Variants in EXOC6 observed in about 807,000 individuals in gnomAD.
The protein encoded by EXOC6 is SEC15-like 1.
A neutral mutation model predicts 112.5 loss-of-function variants in EXOC6; 60 were observed. The observed-to-expected ratio is 0.53, with a 90% CI of 0.43 to 0.66. The LOEUF (loss-of-function observed/expected upper bound fraction) is 0.66, where lower values mean the gene tolerates loss of function less well. Ranked by LOEUF, EXOC6 falls within the 30% of genes least tolerant of loss-of-function variation. The pLI, the probability that EXOC6 is intolerant of heterozygous loss-of-function variation, is 0.00. For missense variants in EXOC6, 855 were observed against 957.1 expected (o/e 0.89, Z 1.41); for synonymous variants, 295 against 308.0 (o/e 0.96, Z 0.44).
intron 20 of EXOC6, among the ~76,000 whole-genome samples, chr10:93,041,181 C>T (rs552569883): frequency 5.3e-5 from 8 of 152,174 alleles, no homozygotes; most frequent in African/African-American, 1.7e-4. Context: ...TTTTTTTCTC[C>T]TAAGTATTTC....
At chr10:92,990,236 G>A (rs756730248) in intron 18 of EXOC6, among the ~76,000 whole-genome samples, 9 of 151,748 alleles carry the variant, frequency 5.9e-5, no homozygotes, top group East Asian at 1.9e-4. Context: ...TTTGTATTTC[G>A]TAACTTTAAT....
intron 20 of EXOC6, 111 bp downstream of exon 20, chr10:93,014,378 T>C: frequency 1.2e-6 from 1 of 806,478 alleles, no homozygotes; most frequent in Admixed American, 2.2e-5. Flanking sequence ...AAACAACCTA[T>C]CTTAAGAAAA....
At position 92,880,234 on chromosome 10, in the gene EXOC6, G is replaced by T. The variant is rs117399409; in HGVS notation, c.102-13115G>T. ...ATGTACTTTGTCATCTCTAGATTAC[G>T]TATAATACCTAATAACAATGTAAAT... On this transcript the variant is annotated intron_variant, in intron 1 of 21. Transcript: ENST00000260762. Among the ~76,000 whole-genome samples the T allele has an allele frequency of 3.3e-5, 5 of 152,256 alleles. No homozygotes were observed. The East Asian group carries it at 9.6e-4, about 29-fold the overall frequency.
upstream of EXOC6, among the ~76,000 whole-genome samples, chr10:92,847,315 A>G (rs1431852888): frequency 6.6e-6 from 1 of 152,208 alleles, no homozygotes; most frequent in Middle Eastern, 3.2e-3. Context: ...GTTCTTGCCC[A>G]ATGTCACACA....
intron 8 of EXOC6, among the ~76,000 whole-genome samples, chr10:92,926,079 A>C (rs2133927211): frequency 6.6e-6 from 1 of 151,846 alleles, no homozygotes; most frequent in East Asian, 1.9e-4. Flanking sequence ...AAATGCCCTA[A>C]GTCTGCAGGT....
At chr10:92,868,788 C>T (rs900043328) in intron 1 of EXOC6, among the ~76,000 whole-genome samples, 3 of 150,582 alleles carry the variant, frequency 2.0e-5, no homozygotes, top group Non-Finnish European at 3.0e-5. Context: ...TTCCTTCCTC[C>T]CTCCCTTCTT....
At chr10:92,992,193 G>T (rs573422407) in intron 18 of EXOC6, among the ~76,000 whole-genome samples, 6 of 148,174 alleles carry the variant, frequency 4.0e-5, no homozygotes, top group Admixed American at 7.0e-5. Flanking sequence ...GGAGGCTGAG[G>T]CATGAGAATT....
intron 1 of EXOC6, among the ~76,000 whole-genome samples, chr10:92,861,279 TC>T (rs1381613038): frequency 6.6e-6 from 1 of 152,212 alleles, no homozygotes; most frequent in Non-Finnish European, 1.5e-5. Flanking sequence ...AACAGTGGCC[TC>T]CCTCTCTTGG....
intron 1 of EXOC6, among the ~76,000 whole-genome samples, chr10:92,881,904 A>C (rs7097259): frequency 0.13 from 19,419 of 152,068 alleles, 1,582 homozygotes; most frequent in African/African-American, 0.22. Flanking sequence ...GAAGAAGAAC[A>C]CGTTGGCCTC....
At chr10:93,035,906 A>G (rs1845493793) in intron 20 of EXOC6, among the ~76,000 whole-genome samples, 1 of 152,010 alleles carries the variant, frequency 6.6e-6, no homozygotes, top group African/African-American at 2.4e-5. Flanking sequence ...GTTCACTGTT[A>G]AACTAAAATC....
At chr10:93,010,803 T>C (rs1844203700) in intron 19 of EXOC6, among the ~76,000 whole-genome samples, 1 of 152,098 alleles carries the variant, frequency 6.6e-6, no homozygotes, top group South Asian at 2.1e-4. Flanking sequence ...TGCAAGATTT[T>C]ATGATCCATC....
At chr10:92,952,414 C>A in intron 15 of EXOC6, 32 bp downstream of exon 15, 1 of 1,302,270 alleles carries the variant, frequency 7.7e-7, no homozygotes, top group African/African-American at 1.5e-5. Context: ...GCATTTTTGT[C>A]ATAACTTTTA....
chr10:92,955,629 A>T lies in EXOC6; in HGVS notation c.1688A>T (p.Tyr563Phe), dbSNP rs764691099. 1.2e-5 allele frequency: 19 copies of T among 1,611,710 alleles called. No homozygotes were observed. In the Admixed American group the frequency reaches 3.2e-4, roughly 27 times the overall value. The change falls in exon 17 of 22, where the codon TAT becomes TTT. Residue 563 changes from tyrosine (Y) to phenylalanine (F), a missense_variant. Around this residue, in one of 2 missense-constraint regions of EXOC6, gnomAD observed 450 missense variants for 563.5 expected, o/e 0.80. Coordinates refer to ENST00000260762, the MANE Select transcript of EXOC6 (RefSeq NM_019053.6). ...ACACACCTGGAGCAAGCTTGTAAAT[A>T]TCTTGAGGACTTTATAACTAACATT... ...NTTHLEQACK[Y>F]LEDFITNITN...
chr10:93,039,864 C>T (rs1845680943), intron 20 of EXOC6, among the ~76,000 whole-genome samples: 1 of 152,190 alleles, frequency 6.6e-6, no homozygotes, highest in Admixed American at 6.5e-5. Context: ...ATGCTTTCTT[C>T]ACCTCCTTTT....
chr10:93,021,859 C>T (rs1378045568), intron 20 of EXOC6, among the ~76,000 whole-genome samples: 3 of 152,114 alleles, frequency 2.0e-5, no homozygotes, highest in Non-Finnish European at 2.9e-5. Context: ...GATATTTTCT[C>T]AGTTGTATAT....
chr10:92,990,911 T>A (rs1460048316), intron 18 of EXOC6, among the ~76,000 whole-genome samples: 1 of 152,100 alleles, frequency 6.6e-6, no homozygotes, highest in Admixed American at 6.5e-5. Flanking sequence ...TACTAGACTC[T>A]GAGAGTCAAT....
At chr10:93,038,340 AT>A (rs1281105501) in intron 20 of EXOC6, among the ~76,000 whole-genome samples, 2 of 152,218 alleles carry the variant, frequency 1.3e-5, no homozygotes, top group Admixed American at 6.5e-5. Flanking sequence ...TTCTAAAAAA[AT>A]CCTACTAAGC....
chr10:92,986,854 A>G (rs1032625163), intron 18 of EXOC6, among the ~76,000 whole-genome samples: 8 of 152,266 alleles, frequency 5.3e-5, no homozygotes, highest in South Asian at 2.1e-4. Context: ...CCAGTACCTT[A>G]TAATTAGTAC....
chr10:93,056,698 G>C (rs1377683873), intron 20 of EXOC6, among the ~76,000 whole-genome samples: 3 of 152,076 alleles, frequency 2.0e-5, no homozygotes, highest in Non-Finnish European at 4.4e-5. Flanking sequence ...TTGAAAACAT[G>C]AAGTATTTTA....
Sources: allele counts gnomAD v4.1 joint callset (sites outside exome capture counted in the v4.1 genomes callset), GRCh38; gene constraint gnomAD v4.1.1; regional missense constraint gnomAD v4.1.1; transcripts MANE v1.5; gene names NCBI Gene and HGNC (gene_info 2026-07-23, HGNC 2026-07-21).